PLCB1: variants seen among roughly 807,000 people sequenced by gnomAD.
PLCB1 encodes the protein phospholipase C beta 1.
PLCB1 carries 46 observed loss-of-function variants against 161.8 expected under a neutral mutation model. That is an observed-to-expected ratio of 0.28 (90% CI 0.22 to 0.36). The LOEUF (loss-of-function observed/expected upper bound fraction) is 0.36, where lower values mean the gene tolerates loss of function less well. Among genes scored for constraint, PLCB1 ranks in the 10% least tolerant of loss-of-function variants. PLCB1 has a pLI of 1.00. For synonymous variants in PLCB1, 517 were observed against 503.7 expected (o/e 1.03, Z -0.35); for missense variants, 1,016 against 1,472.5 (o/e 0.69, Z 5.07).
At chr20:8,496,423 G>A (rs1391754746) in intron 3 of PLCB1, among the ~76,000 whole-genome samples, 1 of 152,188 alleles carries the variant, frequency 6.6e-6, no homozygotes, top group African/African-American at 2.4e-5. Flanking sequence ...AGGATCACTT[G>A]AGCCTGGGAG....
Position 8,730,041 on chromosome 20 carries a change from T to G in PLCB1, c.1888+867T>G, listed in dbSNP as rs146388898. 222 of 152,142 alleles carry G rather than the reference T, an allele frequency of 1.5e-3. 1 individual carries two copies. The highest frequency in any genetic ancestry group is 5.1e-3 in the African/African-American group (214 of 41,572). 9.4% of individuals were successfully genotyped at this position (152,142 alleles called of 1,614,324 possible). ...TGTTTCTTGGTTTTTGTATTTCTGC[T>G]TTTATGAATTACATATTCAGGACTA... is the stretch of plus-strand genomic sequence containing the variant. On this transcript the variant is annotated intron_variant, in intron 18 of 31. Transcript: ENST00000338037.
intron 11 of PLCB1, among the ~76,000 whole-genome samples, chr20:8,703,297 A>G (rs1158109100): frequency 6.6e-6 from 1 of 152,220 alleles, no homozygotes; most frequent in Non-Finnish European, 1.5e-5. Context: ...TACTCTATAA[A>G]TGTTAGCTTT....
intron 23 of PLCB1, 127 bp from the exon 24 acceptor site, chr20:8,756,919 A>C: frequency 7.2e-6 from 6 of 833,320 alleles, no homozygotes; most frequent in Non-Finnish European, 1.1e-5. Context: ...TCCAGGGAGT[A>C]TCAAATTTGA....
intron 3 of PLCB1, among the ~76,000 whole-genome samples, chr20:8,394,744 G>T (rs1283142029): frequency 2.0e-5 from 3 of 152,122 alleles, no homozygotes; most frequent in Non-Finnish European, 4.4e-5. Context: ...GCCATTATTT[G>T]ACAAGTTAAA....
chr20:8,330,911 A>G (rs1271744795), intron 2 of PLCB1, among the ~76,000 whole-genome samples: 2 of 152,252 alleles, frequency 1.3e-5, no homozygotes, highest in African/African-American at 4.8e-5. Flanking sequence ...CTCTCAGGGC[A>G]TAAAGCAGAT....
intron 3 of PLCB1, among the ~76,000 whole-genome samples, chr20:8,528,687 A>G (rs1425280332): frequency 6.6e-6 from 1 of 151,992 alleles, no homozygotes; most frequent in Non-Finnish European, 1.5e-5. Flanking sequence ...GGATTTCCGT[A>G]ACTCTTACAT....
intron 3 of PLCB1, among the ~76,000 whole-genome samples, chr20:8,618,406 AATCCCAACACCTTAGGCAGGCAG>A (rs1258217029): frequency 1.3e-5 from 2 of 152,116 alleles, no homozygotes; most frequent in African/African-American, 4.8e-5. Flanking sequence ...TCACACCTGT[AATCCCAACACCTTAGGCAGGCAG>A]AGGTGGGAAG....
At chr20:8,204,256 A>G (rs1260435651) in intron 2 of PLCB1, among the ~76,000 whole-genome samples, 1 of 152,058 alleles carries the variant, frequency 6.6e-6, no homozygotes, top group East Asian at 1.9e-4. Context: ...CAACTAAATA[A>G]TTGGAGTTGG....
At chr20:8,346,790 C>T (rs1346851137) in intron 2 of PLCB1, among the ~76,000 whole-genome samples, 2 of 152,112 alleles carry the variant, frequency 1.3e-5, no homozygotes, top group African/African-American at 2.4e-5. Flanking sequence ...AAGAGAGCAG[C>T]AAATAGTAGG....
intron 3 of PLCB1, among the ~76,000 whole-genome samples, chr20:8,508,457 C>T (rs796595780): frequency 2.6e-5 from 4 of 152,284 alleles, no homozygotes; most frequent in African/African-American, 7.2e-5. Flanking sequence ...ATGACAGACT[C>T]GAAGTGACTC....
At chr20:8,373,050 C>T (rs566260914) in intron 3 of PLCB1, among the ~76,000 whole-genome samples, 9 of 152,174 alleles carry the variant, frequency 5.9e-5, no homozygotes, top group Non-Finnish European at 1.0e-4. Context: ...TAAATGTCTA[C>T]TGAACAGTGA....
chr20:8,802,214 G>C, intron 31 of PLCB1: 2 of 1,022,814 alleles, frequency 2.0e-6, no homozygotes, highest in Non-Finnish European at 1.5e-6. Context: ...GAGAAGGGTG[G>C]TGTGTAGCCA....
At chr20:8,478,936 C>T (rs1982390358) in intron 3 of PLCB1, among the ~76,000 whole-genome samples, 1 of 152,130 alleles carries the variant, frequency 6.6e-6, no homozygotes, top group East Asian at 1.9e-4. Context: ...GTTTACATGG[C>T]TTATAAGTCA....
At chr20:8,248,546 T>G (rs1177338787) in intron 2 of PLCB1, among the ~76,000 whole-genome samples, 3 of 151,966 alleles carry the variant, frequency 2.0e-5, no homozygotes, top group African/African-American at 7.2e-5. Context: ...CAGCAGTATC[T>G]GCTACGTCCT....
chr20:8,771,958 T>C (rs1982707013), intron 26 of PLCB1, among the ~76,000 whole-genome samples: 1 of 151,752 alleles, frequency 6.6e-6, no homozygotes, highest in African/African-American at 2.4e-5. Context: ...CACAACTCAC[T>C]GCAGTCTCGA....
At chr20:8,754,394 A>C (rs1600300353) in intron 23 of PLCB1, among the ~76,000 whole-genome samples, 1 of 24,402 alleles carries the variant, frequency 4.1e-5, no homozygotes, top group African/African-American at 1.2e-4. Flanking sequence ...TTTAGTTGCC[A>C]AAAAAAAAAA....
chr20:8,465,705 CA>C (rs1257084681), intron 3 of PLCB1, among the ~76,000 whole-genome samples: 1 of 151,724 alleles, frequency 6.6e-6, no homozygotes, highest in Admixed American at 6.6e-5. Context: ...TTTATGCAGC[CA>C]AAAAACACAT....
At chr20:8,133,486 G>A (rs183145218) in intron 1 of PLCB1, among the ~76,000 whole-genome samples, 1 of 152,226 alleles carries the variant, frequency 6.6e-6, no homozygotes, top group Admixed American at 6.5e-5. Context: ...TTGAGAGTTT[G>A]CCCCACGATT....
At chr20:8,308,151 A>G (rs1315184141) in intron 2 of PLCB1, among the ~76,000 whole-genome samples, 3 of 152,076 alleles carry the variant, frequency 2.0e-5, no homozygotes, top group Non-Finnish European at 4.4e-5. Context: ...ATAGCCAGCA[A>G]TTAAAACCAC....
Sources: gnomAD v4.1 joint callset for allele counts (sites outside exome capture counted in the v4.1 genomes callset) on GRCh38, gnomAD v4.1.1 for gene constraint, MANE v1.5 for transcripts, NCBI Gene and HGNC (gene_info 2026-07-23, HGNC 2026-07-21) for gene names.